WHRN: variants seen among roughly 807,000 people sequenced by gnomAD.
The protein encoded by WHRN is CASK-interacting protein CIP98.
In WHRN, 41 loss-of-function variants were observed where a neutral mutation model predicts 68.3. The ratio of observed to expected loss-of-function variants is 0.60; its 90% confidence interval spans 0.47 to 0.78. The LOEUF (loss-of-function observed/expected upper bound fraction) is 0.78. Ranked by LOEUF, WHRN falls within the 30% of genes least tolerant of loss-of-function variation. WHRN has a pLI of 0.00. For missense variants in WHRN, 1,243 were observed against 1,244.7 expected (o/e 1.00, Z 0.02); for synonymous variants, 560 against 561.3 (o/e 1.00, Z 0.03).
chr9:114,463,527 CTG>C (rs1001211628), intron 3 of WHRN, among the ~76,000 whole-genome samples: 18 of 152,276 alleles, frequency 1.2e-4, no homozygotes, highest in African/African-American at 4.3e-4. Flanking sequence ...AGTGGAGAAA[CTG>C]TGAATAAGGC....
chr9:114,415,286 A>C (rs74551598), intron 7 of WHRN, among the ~76,000 whole-genome samples: 29,447 of 145,208 alleles, frequency 0.2, 3,279 homozygotes, highest in Middle Eastern at 0.26. Context: ...AAAAAAAAAA[A>C]ACACAAACAG....
At chr9:114,409,982 A>T (rs1352011018) in intron 7 of WHRN, among the ~76,000 whole-genome samples, 1 of 151,874 alleles carries the variant, frequency 6.6e-6, no homozygotes, top group Non-Finnish European at 1.5e-5. Context: ...AACCCTACTC[A>T]TTGTGCCTAC....
At chr9:114,470,862 C>T (rs1841156482) in intron 2 of WHRN, among the ~76,000 whole-genome samples, 1 of 146,448 alleles carries the variant, frequency 6.8e-6, no homozygotes, top group African/African-American at 2.5e-5. Context: ...ACATGAAGAT[C>T]CCAGCAGGGA....
intron 3 of WHRN, among the ~76,000 whole-genome samples, chr9:114,429,403 C>A (rs1202397847): frequency 6.6e-6 from 1 of 152,196 alleles, no homozygotes; most frequent in East Asian, 1.9e-4. Flanking sequence ...CACATGGCCC[C>A]ACAAAACCCA....
chr9:114,490,604 T>A (rs1293127949), intron 1 of WHRN, among the ~76,000 whole-genome samples: 2 of 152,278 alleles, frequency 1.3e-5, no homozygotes, highest in East Asian at 3.9e-4. Context: ...GGGTTCAATG[T>A]AAGGATGCAG....
chr9:114,488,516 A>G (rs1301733561), intron 1 of WHRN, among the ~76,000 whole-genome samples: 2 of 152,088 alleles, frequency 1.3e-5, no homozygotes, highest in East Asian at 3.9e-4. Context: ...CTTAAACACC[A>G]GGCCAATCCT....
chr9:114,465,985 C>T (rs1007892915), intron 3 of WHRN, among the ~76,000 whole-genome samples: 1 of 152,164 alleles, frequency 6.6e-6, no homozygotes, highest in Non-Finnish European at 1.5e-5. Context: ...ATCCTCTCCA[C>T]GCATCGTAAC....
intron 3 of WHRN, among the ~76,000 whole-genome samples, chr9:114,444,568 TC>T (rs1223586374): frequency 6.6e-6 from 1 of 151,980 alleles, no homozygotes; most frequent in African/African-American, 2.4e-5. Flanking sequence ...GAAACCCCCT[TC>T]TCTTAAAAAC....
intron 2 of WHRN, among the ~76,000 whole-genome samples, chr9:114,477,463 AG>A (rs1841742978): frequency 6.6e-6 from 1 of 152,118 alleles, no homozygotes; most frequent in Non-Finnish European, 1.5e-5. Flanking sequence ...GAAACAGTAC[AG>A]GTCTGGGGTC....
intron 2 of WHRN, among the ~76,000 whole-genome samples, chr9:114,476,416 C>T (rs545545189): frequency 6.6e-5 from 10 of 152,040 alleles, no homozygotes; most frequent in African/African-American, 2.2e-4. Context: ...TTTCAGTCCC[C>T]GAATGGCACA....
At chr9:114,424,948 C>G in intron 5 of WHRN, 40 bp downstream of exon 5, 1 of 1,600,216 alleles carries the variant, frequency 6.2e-7, no homozygotes, top group Non-Finnish European at 8.6e-7. Flanking sequence ...ACTCAGGGAG[C>G]TGTGAGGAAG....
chr9:114,497,678 G>C (rs1843580290), intron 1 of WHRN, among the ~76,000 whole-genome samples: 1 of 152,220 alleles, frequency 6.6e-6, no homozygotes, highest in Non-Finnish European at 1.5e-5. Flanking sequence ...CTGGGGATGT[G>C]GTTTGAAAAT....
chr9:114,416,978 C>CT (rs1835863901), intron 7 of WHRN, among the ~76,000 whole-genome samples: 1 of 152,222 alleles, frequency 6.6e-6, no homozygotes, highest in African/African-American at 2.4e-5. Context: ...AATTAAGCCC[C>CT]TCTGCCACAG....
chr9:114,435,216 T>C (rs149187443), intron 3 of WHRN, among the ~76,000 whole-genome samples: 3 of 152,322 alleles, frequency 2.0e-5, no homozygotes, highest in East Asian at 3.9e-4. Flanking sequence ...GTCAGTGCGC[T>C]GCACCCCCTT....
Position 114,435,700 on chromosome 9 carries a change from C to A in WHRN, c.964-9287G>T, listed in dbSNP as rs571081626. Among the ~76,000 whole-genome samples the A allele has an allele frequency of 2.6e-5, 4 of 152,244 alleles. No individual in the cohort carries two copies. In the South Asian group the frequency reaches 8.3e-4, roughly 32 times the overall value. On this transcript the variant is annotated intron_variant, in intron 3 of 11. Transcript: ENST00000362057. ...CACCTGCTTCAAGCTGCTCTGTAGA[C>A]CTGCAAGAATCAAGTTCTCAAGCTC...
At chr9:114,428,000 C>T (rs1374052732) in intron 3 of WHRN, among the ~76,000 whole-genome samples, 1 of 152,186 alleles carries the variant, frequency 6.6e-6, no homozygotes, top group Non-Finnish European at 1.5e-5. Context: ...CACACTGTAT[C>T]CCCAGGGCCC....
chr9:114,427,095 T>G (rs1836943383), intron 3 of WHRN, among the ~76,000 whole-genome samples: 1 of 152,086 alleles, frequency 6.6e-6, no homozygotes, highest in African/African-American at 2.4e-5. Context: ...AGATTCCATT[T>G]CTAAAAATAA....
intron 3 of WHRN, among the ~76,000 whole-genome samples, chr9:114,448,793 C>G (rs1001382727): frequency 2.6e-5 from 4 of 152,176 alleles, no homozygotes; most frequent in African/African-American, 9.7e-5. Context: ...GATTCCAGCA[C>G]CCAGATGTTG....
At chr9:114,491,137 C>A (rs1369360886) in intron 1 of WHRN, among the ~76,000 whole-genome samples, 1 of 152,160 alleles carries the variant, frequency 6.6e-6, no homozygotes, top group Admixed American at 6.5e-5. Flanking sequence ...TCAGGAATAT[C>A]TGTTTATATC....
Sources: gnomAD v4.1 joint callset for allele counts (sites outside exome capture counted in the v4.1 genomes callset) on GRCh38, gnomAD v4.1.1 for gene constraint, MANE v1.5 for transcripts, NCBI Gene and HGNC (gene_info 2026-07-23, HGNC 2026-07-21) for gene names.